GRM5: variants seen among roughly 807,000 people sequenced by gnomAD.
GRM5 encodes glutamate metabotropic receptor 5.
GRM5 carries 19 observed loss-of-function variants against 83.1 expected under a neutral mutation model. That is an observed-to-expected ratio of 0.23 (90% CI 0.16 to 0.34). The LOEUF is 0.34. GRM5 is among the 10% of genes least tolerant of loss of function. The probability of loss-of-function intolerance (pLI) is 1.00; values close to 1 mark genes in which losing one functional copy is unlikely to be tolerated. For synonymous variants in GRM5, 675 were observed against 633.6 expected, an observed-to-expected ratio of 1.07 and a Z score of -0.98; for missense variants, 1,160 against 1,588.3, an observed-to-expected ratio of 0.73 and a Z score of 4.58.
At chr11:88,956,913 A>C (rs2135687186) in intron 2 of GRM5, among the ~76,000 whole-genome samples, 1 of 152,366 alleles carries the variant, frequency 6.6e-6, no homozygotes, top group Non-Finnish European at 1.5e-5. Flanking sequence ...AGACACTAAA[A>C]TTACATACCT....
At chr11:88,808,160 T>C (rs1943528787) in intron 3 of GRM5, among the ~76,000 whole-genome samples, 1 of 152,016 alleles carries the variant, frequency 6.6e-6, no homozygotes, top group Non-Finnish European at 1.5e-5. Context: ...AGTATATATA[T>C]GGAATGCACA....
intron 3 of GRM5, among the ~76,000 whole-genome samples, chr11:88,726,121 A>G (rs1941674070): frequency 6.6e-6 from 1 of 152,190 alleles, no homozygotes; most frequent in Non-Finnish European, 1.5e-5. Flanking sequence ...AACCCAATGT[A>G]AAGAAGCTAA....
rs558476983 is a variant in GRM5, at chr11:88,997,054, G to A, written c.661+50158C>T. Among the ~76,000 whole-genome samples, 3 of 152,314 alleles carry A rather than the reference G, an allele frequency of 2.0e-5. No individual in the cohort carries two copies. The South Asian group carries it at 6.2e-4, about 32-fold the overall frequency. On this transcript the variant is annotated intron_variant, in intron 2 of 9. Transcript: ENST00000305447. ...AGAAGAAAATCTCTGGATGGGTGCA[G>A]TGGCTCACACCTGTAATCCCAGCAG...
chr11:88,916,371 G>T (rs1399744944), intron 2 of GRM5, among the ~76,000 whole-genome samples: 2 of 152,104 alleles, frequency 1.3e-5, no homozygotes, highest in African/African-American at 4.8e-5. Context: ...AGAGTGCATT[G>T]ATTTTGAGAC....
Position 88,567,877 on chromosome 11 carries a change from G to A in GRM5, c.1806C>T (p.Ile602=). The change falls in exon 8 of 10, where the codon ATC becomes ATT. Residue 602 remains isoleucine, a synonymous_variant. Coordinates refer to ENST00000305447, the MANE Select transcript of GRM5 (RefSeq NM_001143831.3). The surrounding 1 kb of genome is among the most constrained non-coding windows in gnomAD (Gnocchi z 7.3). ...TGACTACTGGTGTATCACGGTAAAT[G>A]ATGAAGACTACAGTAACAAACAGGG... ...LATLFVTVVF[I]IYRDTPVVKS... 1 of 1,613,706 alleles carries A rather than the reference G, an allele frequency of 6.2e-7. No homozygotes were observed. Among genetic ancestry groups the A allele is most frequent in the Non-Finnish European group, 8.5e-7 (1 of 1,179,586 alleles).
At chr11:88,930,335 G>A (rs1341473646) in intron 2 of GRM5, among the ~76,000 whole-genome samples, 1 of 152,030 alleles carries the variant, frequency 6.6e-6, no homozygotes, top group East Asian at 1.9e-4. Context: ...AATTGCTTGA[G>A]CTCAGGAGCT....
intron 2 of GRM5, among the ~76,000 whole-genome samples, chr11:89,016,255 A>G (rs1171627425): frequency 6.7e-6 from 1 of 149,624 alleles, no homozygotes; most frequent in Non-Finnish European, 1.5e-5. Context: ...GTGCTTATCT[A>G]TAACACATAA....
intron 4 of GRM5, among the ~76,000 whole-genome samples, chr11:88,627,598 A>G (rs751593013): frequency 1.4e-4 from 21 of 152,124 alleles, no homozygotes; most frequent in Non-Finnish European, 2.2e-4. Context: ...AGCAGAACTC[A>G]TCTTCTGTAC....
intron 2 of GRM5, among the ~76,000 whole-genome samples, chr11:89,025,116 T>C (rs1268381057): frequency 1.3e-5 from 2 of 152,220 alleles, no homozygotes; most frequent in East Asian, 1.9e-4. Flanking sequence ...TATCTTGTAA[T>C]GTGAGGATGT....
chr11:88,616,053 AG>A (rs955341125), intron 4 of GRM5, among the ~76,000 whole-genome samples: 3 of 152,182 alleles, frequency 2.0e-5, no homozygotes, highest in Non-Finnish European at 4.4e-5. Flanking sequence ...CTAGCAAGTT[AG>A]TTAACCTTTC....
intron 3 of GRM5, among the ~76,000 whole-genome samples, chr11:88,726,193 A>G (rs1439595724): frequency 6.6e-6 from 1 of 152,204 alleles, no homozygotes; most frequent in African/African-American, 2.4e-5. Context: ...GAAGAACATA[A>G]ATGACCTAAT....
intron 3 of GRM5, among the ~76,000 whole-genome samples, chr11:88,723,243 T>C (rs1253275735): frequency 1.3e-5 from 2 of 152,090 alleles, no homozygotes; most frequent in African/African-American, 4.8e-5. Flanking sequence ...TACTATTCTA[T>C]TGTATGAATG....
At chr11:88,734,446 G>C (rs1290710260) in intron 3 of GRM5, among the ~76,000 whole-genome samples, 1 of 151,884 alleles carries the variant, frequency 6.6e-6, no homozygotes, top group African/African-American at 2.4e-5. Context: ...TCCTACTTCT[G>C]GATATATATC....
chr11:88,872,038 C>G (rs1176770380), intron 2 of GRM5, among the ~76,000 whole-genome samples: 2 of 151,380 alleles, frequency 1.3e-5, no homozygotes, highest in African/African-American at 4.8e-5. Flanking sequence ...ACCTGTAAAT[C>G]TAATTATCAT....
chr11:88,518,137 C>A (rs1290328916), intron 9 of GRM5, among the ~76,000 whole-genome samples: 1 of 151,384 alleles, frequency 6.6e-6, no homozygotes, highest in Non-Finnish European at 1.5e-5. Flanking sequence ...AGAGACTGTT[C>A]AATTTAATAA....
intron 2 of GRM5, among the ~76,000 whole-genome samples, chr11:88,985,252 T>G (rs1804735274): frequency 6.6e-6 from 1 of 152,104 alleles, no homozygotes; most frequent in Admixed American, 6.5e-5. Context: ...TATAACCAAT[T>G]TTGTTTATTT....
intron 9 of GRM5, among the ~76,000 whole-genome samples, chr11:88,511,418 T>G (rs1358931087): frequency 1.3e-5 from 2 of 152,228 alleles, no homozygotes; most frequent in African/African-American, 2.4e-5. Context: ...GCTTTTTGCC[T>G]CTTTCCACAC....
intron 3 of GRM5, among the ~76,000 whole-genome samples, chr11:88,707,805 G>A (rs1565195307): frequency 2.0e-5 from 3 of 152,064 alleles, no homozygotes; most frequent in African/African-American, 4.8e-5. Flanking sequence ...AATTCTTTGC[G>A]CCTTTAACTA....
chr11:89,014,047 T>C (rs979419313), intron 2 of GRM5, among the ~76,000 whole-genome samples: 2 of 152,174 alleles, frequency 1.3e-5, no homozygotes, highest in African/African-American at 4.8e-5. Flanking sequence ...AAGTCAGGTA[T>C]TCTGGAGATA....
Sources: gnomAD v4.1 joint callset for allele counts (sites outside exome capture counted in the v4.1 genomes callset) on GRCh38, gnomAD v4.1.1 for gene constraint, Gnocchi (gnomAD v3.1) non-coding constraint, MANE v1.5 for transcripts, NCBI Gene and HGNC (gene_info 2026-07-23, HGNC 2026-07-21) for gene names.